KCNH5: variants seen among roughly 807,000 people sequenced by gnomAD.
KCNH5 encodes potassium voltage-gated channel subfamily H member 5, also known as voltage-gated delayed rectifier potassium channel KCNH5.
Under a neutral mutation model 96.1 loss-of-function variants are expected in KCNH5, and 46 were observed. That is an observed-to-expected ratio of 0.48 (90% confidence interval 0.38 to 0.61). The LOEUF (loss-of-function observed/expected upper bound fraction) is 0.61, where lower values mean the gene tolerates loss of function less well. Among genes scored for constraint, KCNH5 ranks in the 20% least tolerant of loss-of-function variants. The pLI is 0.00. For missense variants in KCNH5, 907 were observed against 1,225.8 expected (o/e 0.74, Z 3.88); for synonymous variants, 439 against 449.8 (o/e 0.98, Z 0.30).
intron 10 of KCNH5, among the ~76,000 whole-genome samples, chr14:62,776,708 C>T (rs1436135592): frequency 6.6e-6 from 1 of 152,134 alleles, no homozygotes; most frequent in Admixed American, 6.5e-5. Context: ...TTCGTCAATT[C>T]GTAGAATTTG....
intron 10 of KCNH5, among the ~76,000 whole-genome samples, chr14:62,741,173 C>T (rs775451245): frequency 1.3e-5 from 2 of 152,096 alleles, no homozygotes; most frequent in Non-Finnish European, 1.5e-5. Context: ...ATAAATTAAG[C>T]GGCTTGCACG....
chr14:62,716,614 CCTT>C (rs1189156149), intron 10 of KCNH5, among the ~76,000 whole-genome samples: 1 of 152,162 alleles, frequency 6.6e-6, no homozygotes, highest in Non-Finnish European at 1.5e-5. Context: ...TCAACTGTGT[CCTT>C]CTTTATAAGG....
intron 7 of KCNH5, among the ~76,000 whole-genome samples, chr14:62,878,043 T>C (rs1012823147): frequency 3.3e-5 from 5 of 152,120 alleles, no homozygotes; most frequent in African/African-American, 1.2e-4. Flanking sequence ...ATGTCCTTTC[T>C]AGGGACATGG....
In KCNH5 at chr14:62,781,049, G is replaced by A. The variant is rs114287946; in HGVS notation, c.1823-1125C>T. ...AGACCTTTATCGGGGAATCTGCCCC[G>A]ATATTCACATAGGTTCTTTTCTATT... is the stretch of plus-strand genomic sequence containing the variant. On this transcript the variant is annotated intron_variant, in intron 9 of 10. Transcript: ENST00000322893. 8.2e-3 allele frequency among the ~76,000 whole-genome samples: 1,253 copies of A among 152,120 alleles called. 14 individuals carry two copies. The highest frequency in any genetic ancestry group is 0.028 in the African/African-American group (1,172 of 41,522).
rs377025147 is a variant in KCNH5 at position 62,868,816 on chromosome 14, T to C, written c.1370-18964A>G. ...GTTTTCTGTTCCTGTGTTATTTTGCTGAGAATGATGGTTTCCAGCTTCATC... is the reference window on the plus strand; with the variant it reads ...GTTTTCTGTTCCTGTGTTATTTTGCCGAGAATGATGGTTTCCAGCTTCATC... On this transcript the variant is annotated intron_variant, in intron 7 of 10. Transcript: ENST00000322893. 4.3e-4 allele frequency among the ~76,000 whole-genome samples: 66 copies of C among 152,332 alleles called. 3 individuals are homozygous for C. The South Asian group carries it at 8.5e-3, about 20-fold the overall frequency.
At chr14:62,788,137 T>C (rs1316774763) in intron 9 of KCNH5, among the ~76,000 whole-genome samples, 1 of 152,202 alleles carries the variant, frequency 6.6e-6, no homozygotes, top group East Asian at 1.9e-4. Flanking sequence ...CTAGATGCCA[T>C]TCAGAACACT....
At chr14:62,778,165 C>T (rs1170741836) in intron 10 of KCNH5, among the ~76,000 whole-genome samples, 2 of 152,124 alleles carry the variant, frequency 1.3e-5, no homozygotes, top group Non-Finnish European at 2.9e-5. Flanking sequence ...GAACTTAAAA[C>T]TACAGTCTTC....
rs753750196 is a variant in KCNH5 at position 62,708,111 on chromosome 14, G to A, written c.2364C>T (p.Gly788=). Residue 788 remains glycine, a synonymous_variant, in exon 11 of 11, where the codon GGC becomes GGT. Coordinates refer to ENST00000322893, the MANE Select transcript of KCNH5 (RefSeq NM_139318.5). Reference sequence around the variant, plus strand: ...CTTTGAGACATTTTTGGTCAGCACCGCCGTTGGGCTTGAGTTCCATGGCAT... The same window carrying A: ...CTTTGAGACATTTTTGGTCAGCACCACCGTTGGGCTTGAGTTCCATGGCAT... ...NRDAMELKPN[G]GADQKCLKVN... The A allele has an allele frequency of 2.9e-5, 46 of 1,614,034 alleles. No individual in the cohort carries two copies. The highest frequency in any genetic ancestry group is 1.7e-4 in the Admixed American group (10 of 60,004).
At chr14:62,796,622 A>G (rs1245118545) in intron 9 of KCNH5, among the ~76,000 whole-genome samples, 1 of 152,190 alleles carries the variant, frequency 6.6e-6, no homozygotes, top group African/African-American at 2.4e-5. Flanking sequence ...GTCATGGCCC[A>G]TGTGAACCTG....
intron 8 of KCNH5, among the ~76,000 whole-genome samples, chr14:62,843,298 C>T (rs1887622597): frequency 6.6e-6 from 1 of 151,792 alleles, no homozygotes; most frequent in Non-Finnish European, 1.5e-5. Flanking sequence ...TTAAAATGGG[C>T]TGTACTGGCA....
rs370143126 is a variant in KCNH5 at position 62,957,116 on chromosome 14, C to G, written c.943-6557G>C. Among the ~76,000 whole-genome samples, 62 of 152,332 alleles carry G rather than the reference C, an allele frequency of 4.1e-4. 3 individuals carry two copies. The South Asian group carries it at 5.8e-3, about 14-fold the overall frequency. ...CTTTCTAGCCAATTTCCTTACTTGA[C>G]AAGCCCCTCAGGCCATAGTAGCACA... On this transcript the variant is annotated intron_variant, in intron 6 of 10. Coordinates refer to ENST00000322893, the MANE Select transcript of KCNH5 (RefSeq NM_139318.5).
At chr14:62,741,322 T>A (rs1393380506) in intron 10 of KCNH5, among the ~76,000 whole-genome samples, 3 of 152,118 alleles carry the variant, frequency 2.0e-5, no homozygotes, top group Non-Finnish European at 2.9e-5. Context: ...CTGGAAGAAG[T>A]CATGTTAAGG....
Position 62,802,521 on chromosome 14 carries a change from C to T in KCNH5, c.1630G>A (p.Val544Ile), listed in dbSNP as rs1453474750. The change falls in exon 9 of 11, where the codon GTT becomes ATT. Residue 544 changes from valine to isoleucine, a missense_variant. Physicochemically the swap from Val to Ile is conservative, Grantham distance 29. Around this residue, in one of 6 missense-constraint regions of KCNH5, gnomAD observed 95 missense variants for 111.8 expected, o/e 0.85. Coordinates refer to ENST00000322893, the MANE Select transcript of KCNH5 (RefSeq NM_139318.5). ...CGAAAAGCAGGATGTTCATTAAAAA[C>T]CTTCCGGTTTAGATGAACACAGATA... Reference protein sequence around the residue: ...ADICVHLNRKVFNEHPAFRLA... With the variant: ...ADICVHLNRKIFNEHPAFRLA... The T allele has an allele frequency of 2.5e-6, 4 of 1,614,154 alleles. No homozygotes were observed. Among genetic ancestry groups the T allele is most frequent in the African/African-American group, 2.7e-5 (2 of 75,054 alleles).
At chr14:62,907,297 T>C (rs140260907) in intron 7 of KCNH5, among the ~76,000 whole-genome samples, 306 of 152,324 alleles carry the variant, frequency 2.0e-3, no homozygotes, top group African/African-American at 7.0e-3. Context: ...ACCTTGAGTG[T>C]TTCAGGAGTG....
At chr14:63,027,384 A>G (rs1227000620) in intron 1 of KCNH5, among the ~76,000 whole-genome samples, 1 of 151,832 alleles carries the variant, frequency 6.6e-6, no homozygotes, top group African/African-American at 2.4e-5. Flanking sequence ...GGTAATGAAT[A>G]TATGAAATAG....
intron 7 of KCNH5, among the ~76,000 whole-genome samples, chr14:62,883,401 T>C (rs935488229): frequency 6.6e-6 from 1 of 152,232 alleles, no homozygotes; most frequent in African/African-American, 2.4e-5. Context: ...AGGGTGATTA[T>C]GATTAACTAG....
At chr14:62,940,601 C>T (rs1889768766) in intron 7 of KCNH5, among the ~76,000 whole-genome samples, 1 of 152,206 alleles carries the variant, frequency 6.6e-6, no homozygotes, top group Admixed American at 6.5e-5. Context: ...ACTTTCCACT[C>T]AAGCCAAAGT....
In KCNH5 at chr14:62,950,345, T is replaced by C; in HGVS notation, c.1157A>G (p.Asp386Gly). The C allele has an allele frequency of 6.2e-7, 1 of 1,614,026 alleles. No homozygotes were observed. Among genetic ancestry groups the C allele is most frequent in the South Asian group, 1.1e-5 (1 of 91,080 alleles). Residue 386 changes from aspartate to glycine, a missense_variant, in exon 7 of 11, where the codon GAC becomes GGC. Asp to Gly is a moderately conservative substitution (Grantham distance 94, BLOSUM62 -1). Coordinates refer to ENST00000322893, the MANE Select transcript of KCNH5 (RefSeq NM_139318.5). ...IDEVTNTIQI[D>G]SWLYQLALSI... ...CAAAGCCAGCTGGTAGAGCCAACTG[T>C]CTATTTGGATGGTGTTAGTGACTTC...
At chr14:63,019,723 C>T (rs1420229315) in intron 1 of KCNH5, among the ~76,000 whole-genome samples, 1 of 151,976 alleles carries the variant, frequency 6.6e-6, no homozygotes, top group Non-Finnish European at 1.5e-5. Context: ...AAATTATAAA[C>T]CTTCTAGAAG....
Sources: gnomAD v4.1 joint callset for allele counts (sites outside exome capture counted in the v4.1 genomes callset) on GRCh38, gnomAD v4.1.1 for gene constraint, gnomAD v4.1.1 regional missense constraint, MANE v1.5 for transcripts, NCBI Gene and HGNC (gene_info 2026-07-23, HGNC 2026-07-21) for gene names.